Variants in PCDH15 observed in about 807,000 individuals in gnomAD.
PCDH15 encodes protocadherin-15.
A neutral mutation model predicts 178.5 loss-of-function variants in PCDH15; 129 were observed. That is an observed-to-expected ratio of 0.72 (90% CI 0.63 to 0.84). The LOEUF (loss-of-function observed/expected upper bound fraction) is 0.84, where lower values mean the gene tolerates loss of function less well. Among genes scored for constraint, PCDH15 ranks in the 40% least tolerant of loss-of-function variants. PCDH15 has a pLI of 0.00. For missense variants in PCDH15, 2,230 were observed against 2,099.9 expected, an observed-to-expected ratio of 1.06 and a Z score of -1.21; for synonymous variants, 800 against 732.0, an observed-to-expected ratio of 1.09 and a Z score of -1.50.
chr10:53,938,619 G>T (rs776260586), intron 25 of PCDH15, among the ~76,000 whole-genome samples, 196 bp downstream of exon 25: 2 of 151,932 alleles, frequency 1.3e-5, no homozygotes, highest in African/African-American at 2.4e-5. Flanking sequence ...TTATTATCTC[G>T]ACATTTCAGG....
chr10:55,426,358 C>A (rs1054313647), intron 2 of PCDH15, among the ~76,000 whole-genome samples: 1 of 152,066 alleles, frequency 6.6e-6, no homozygotes, highest in Non-Finnish European at 1.5e-5. Context: ...GCTCTGGTGC[C>A]GGCAGGGGTG....
At chr10:54,893,778 T>G (rs1436740683) in intron 3 of PCDH15, among the ~76,000 whole-genome samples, 2 of 152,110 alleles carry the variant, frequency 1.3e-5, no homozygotes, top group African/African-American at 4.8e-5. Flanking sequence ...GTTATAGAAT[T>G]TCTGAATTAT....
chr10:55,306,666 G>A (rs2132283965), intron 1 of PCDH15, among the ~76,000 whole-genome samples: 1 of 152,296 alleles, frequency 6.6e-6, no homozygotes, highest in Non-Finnish European at 1.5e-5. Flanking sequence ...AGAAACTCGA[G>A]ATTCTCAGAA....
intron 1 of PCDH15, among the ~76,000 whole-genome samples, chr10:54,791,975 C>T (rs1951459191): frequency 6.6e-6 from 1 of 151,798 alleles, no homozygotes; most frequent in Non-Finnish European, 1.5e-5. Context: ...AAGCCCTGTA[C>T]ACAACACAAT....
chr10:54,288,935 G>A (rs2059211052), intron 8 of PCDH15, among the ~76,000 whole-genome samples: 1 of 152,216 alleles, frequency 6.6e-6, no homozygotes, highest in South Asian at 2.1e-4. Flanking sequence ...ATTTGGGCAG[G>A]GCATAGCTGA....
intron 3 of PCDH15, among the ~76,000 whole-genome samples, chr10:54,511,560 T>C (rs1304528823): frequency 6.6e-6 from 1 of 152,156 alleles, no homozygotes; most frequent in African/African-American, 2.4e-5. Context: ...CCATATTAAG[T>C]CTCAACTGAT....
chr10:54,802,023 T>TG (rs1952674696), upstream of PCDH15, among the ~76,000 whole-genome samples: 1 of 152,180 alleles, frequency 6.6e-6, no homozygotes, highest in Admixed American at 6.5e-5. Flanking sequence ...CCTGAGCATA[T>TG]GAGAAGGAAG....
chr10:54,068,340 C>T lies in PCDH15; in HGVS notation c.2092-1455G>A, dbSNP rs76518296. Among the ~76,000 whole-genome samples the T allele has an allele frequency of 9.3e-3, 1,412 of 151,982 alleles. 26 individuals carry two copies. The highest frequency in any genetic ancestry group is 0.029 in the African/African-American group (1,214 of 41,434). On this transcript the variant is annotated intron_variant, in intron 17 of 37. Coordinates refer to ENST00000644397, the MANE Select transcript of PCDH15 (RefSeq NM_001384140.1). ...GCTTACCCTTTGAAAATTTATGTTG[C>T]TATTCATATGTGATTTGCACACATT... is the stretch of plus-strand genomic sequence containing the variant.
At chr10:55,192,766 C>T (rs1035835681) in intron 1 of PCDH15, among the ~76,000 whole-genome samples, 1 of 150,690 alleles carries the variant, frequency 6.6e-6, no homozygotes, top group Non-Finnish European at 1.5e-5. Context: ...CATATAGATA[C>T]ATGCACAAAG....
chr10:54,493,130 G>A (rs1190100149), intron 3 of PCDH15, among the ~76,000 whole-genome samples: 1 of 152,166 alleles, frequency 6.6e-6, no homozygotes, highest in East Asian at 1.9e-4. Flanking sequence ...TCAATACATG[G>A]GAATTCAAGA....
At chr10:55,074,937 T>A (rs746786732) in intron 2 of PCDH15, among the ~76,000 whole-genome samples, 9 of 152,178 alleles carry the variant, frequency 5.9e-5, no homozygotes, top group Non-Finnish European at 1.2e-4. Context: ...TATGGATGGC[T>A]AGCCATTTCT....
At chr10:54,264,304 C>T (rs2057526449) in intron 8 of PCDH15, among the ~76,000 whole-genome samples, 1 of 152,090 alleles carries the variant, frequency 6.6e-6, no homozygotes, top group Admixed American at 6.6e-5. Context: ...AACAAAGTAT[C>T]AACTCCCGCA....
At chr10:54,294,258 G>A (rs2059604070) in intron 8 of PCDH15, among the ~76,000 whole-genome samples, 2 of 149,182 alleles carry the variant, frequency 1.3e-5, no homozygotes, top group Non-Finnish European at 3.0e-5. Context: ...GTTGGGAATC[G>A]AACAATGAGA....
intron 2 of PCDH15, among the ~76,000 whole-genome samples, chr10:54,978,712 C>CT (rs911286861): frequency 1.3e-5 from 2 of 151,998 alleles, no homozygotes; most frequent in African/African-American, 4.8e-5. Context: ...CAAACTCTAC[C>CT]TTTTTTACCT....
intron 2 of PCDH15, among the ~76,000 whole-genome samples, chr10:54,533,018 A>G (rs1404911173): frequency 1.3e-5 from 2 of 152,300 alleles, no homozygotes; most frequent in African/African-American, 4.8e-5. Context: ...CTGGGCTAGC[A>G]GGCTCCCTGA....
chr10:54,332,059 G>A (rs1175900453), intron 6 of PCDH15, among the ~76,000 whole-genome samples: 4 of 150,244 alleles, frequency 2.7e-5, no homozygotes, highest in African/African-American at 9.8e-5. Context: ...AATTAATTAC[G>A]GAGAAATAGC....
At chr10:54,942,720 G>A (rs1353006033) in intron 2 of PCDH15, among the ~76,000 whole-genome samples, 2 of 151,910 alleles carry the variant, frequency 1.3e-5, no homozygotes, top group Admixed American at 6.6e-5. Context: ...TATAGAGTGC[G>A]GAGCCTGAAA....
At chr10:55,520,446 A>G (rs2132163791) in intron 2 of PCDH15, among the ~76,000 whole-genome samples, 1 of 147,718 alleles carries the variant, frequency 6.8e-6, no homozygotes, top group Middle Eastern at 3.6e-3. Flanking sequence ...TGAAAATCAG[A>G]CTAGGAAGCA....
chr10:55,255,476 A>G (rs951104521), intron 1 of PCDH15, among the ~76,000 whole-genome samples: 33 of 152,238 alleles, frequency 2.2e-4, no homozygotes, highest in African/African-American at 7.5e-4. Flanking sequence ...CCCGTAATGG[A>G]ACGGCTGGGT....
Sources: allele counts gnomAD v4.1 joint callset (sites outside exome capture counted in the v4.1 genomes callset), GRCh38; gene constraint gnomAD v4.1.1; transcripts MANE v1.5; gene names NCBI Gene and HGNC (gene_info 2026-07-23, HGNC 2026-07-21).